CSDC2: variants seen among roughly 807,000 people sequenced by gnomAD.
CSDC2 encodes cold shock domain containing C2, also known as cold shock domain-containing protein C2.
CSDC2 carries 8 observed loss-of-function variants against 15.8 expected under a neutral mutation model. The ratio of observed to expected loss-of-function variants is 0.51; its 90% CI spans 0.30 to 0.92. The LOEUF (loss-of-function observed/expected upper bound fraction) is 0.92, where lower values mean the gene tolerates loss of function less well. Among genes scored for constraint, CSDC2 ranks in the 40% least tolerant of loss-of-function variants. The pLI, the probability that CSDC2 is intolerant of heterozygous loss-of-function variation, is 0.07. For missense variants in CSDC2, 195 were observed against 213.3 expected, an observed-to-expected ratio of 0.91 and a Z score of 0.53; for synonymous variants, 96 against 92.3, an observed-to-expected ratio of 1.04 and a Z score of -0.23.
chr22:41,562,150 C>T (rs550302375), intron 1 of CSDC2, among the ~76,000 whole-genome samples: 277 of 152,144 alleles, frequency 1.8e-3, no homozygotes, highest in African/African-American at 6.5e-3. Context: ...GGTGGGCAAC[C>T]TCTCTGAGAG....
intron 2 of CSDC2, among the ~76,000 whole-genome samples, chr22:41,573,379 T>C (rs2067158012): frequency 6.6e-6 from 1 of 151,760 alleles, no homozygotes. Flanking sequence ...ATTTTTTTTG[T>C]AGAGATGGGA....
chr22:41,565,736 C>T (rs2067110685), intron 1 of CSDC2, among the ~76,000 whole-genome samples: 1 of 152,202 alleles, frequency 6.6e-6, no homozygotes, highest in Non-Finnish European at 1.5e-5. Context: ...ACCCAGAGTG[C>T]CCCATGACAC....
In CSDC2 at chr22:41,571,931, C is replaced by A; in HGVS notation, c.-35C>A. 1 of 1,298,054 alleles carries A rather than the reference C, an allele frequency of 7.7e-7. No individual in the cohort carries two copies. Among genetic ancestry groups the A allele is most frequent in the Non-Finnish European group, 9.9e-7 (1 of 1,011,562 alleles). The allele number at this position is 1,298,054 out of a possible 1,614,324, so 80.4% of individuals were successfully genotyped here. ...CCAAACCCCTCACCGGCCCCTGGGC[C>A]CCAGAGCCCACCAGGCTCTCCTGCT... is the stretch of plus-strand genomic sequence containing the variant. On this transcript the variant is annotated 5_prime_UTR_variant, in exon 2 of 4. Coordinates refer to ENST00000306149, the MANE Select transcript of CSDC2 (RefSeq NM_014460.4).
At chr22:41,566,800 G>A (rs1351541002) in intron 1 of CSDC2, among the ~76,000 whole-genome samples, 3 of 151,500 alleles carry the variant, frequency 2.0e-5, no homozygotes, top group East Asian at 1.9e-4. Context: ...GGTGGCAGGC[G>A]CCTGTAATCC....
At position 41,575,170 on chromosome 22, in the gene CSDC2, G is replaced by A; in HGVS notation, c.*275G>A. The stretch of plus-strand genomic sequence containing the variant: ...CCACTGCCTCTCTCCTCCCCTCCCT[G>A]CCGCAGACACGCAGGACCCGCTCGC... On this transcript the variant is annotated 3_prime_UTR_variant, in exon 4 of 4. Transcript: ENST00000306149. 1.9e-6 allele frequency: 1 copy of A among 514,298 alleles called. No individual in the cohort carries two copies. Among genetic ancestry groups the A allele is most frequent in the Non-Finnish European group, 3.5e-6 (1 of 285,708 alleles). 31.9% of individuals were successfully genotyped at this position (514,298 alleles called of 1,614,324 possible).
intron 1 of CSDC2, among the ~76,000 whole-genome samples, chr22:41,562,155 T>C (rs1430023280): frequency 2.6e-5 from 4 of 152,010 alleles, no homozygotes; most frequent in Non-Finnish European, 5.9e-5. Flanking sequence ...GCAACCTCTC[T>C]GAGAGCCTGG....
At chr22:41,565,449 C>CAA (rs34460484) in intron 1 of CSDC2, among the ~76,000 whole-genome samples, 85 of 57,274 alleles carry the variant, frequency 1.5e-3, no homozygotes, top group African/African-American at 2.3e-3. Context: ...GATTCCATCT[C>CAA]AAAAAAAAAA....
chr22:41,575,329 C>T lies in CSDC2; in HGVS notation c.*434C>T. ...AGGCTCTCTGTGCTACTTACATCTC[C>T]CTCCCTTGGCTGAGGTCCCCCGCCA... On this transcript the variant is annotated 3_prime_UTR_variant, in exon 4 of 4. Coordinates refer to ENST00000306149, the MANE Select transcript of CSDC2 (RefSeq NM_014460.4). The T allele has an allele frequency of 5.8e-6, 1 of 173,858 alleles. No homozygotes were observed. Among genetic ancestry groups the T allele is most frequent in the South Asian group, 1.6e-4 (1 of 6,370 alleles). 10.8% of individuals were successfully genotyped at this position (173,858 alleles called of 1,614,324 possible).
intron 1 of CSDC2, among the ~76,000 whole-genome samples, chr22:41,565,202 A>G (rs2067107662): frequency 6.6e-6 from 1 of 151,440 alleles, no homozygotes; most frequent in East Asian, 1.9e-4. Flanking sequence ...CTTTAATCCC[A>G]GCACTTTGGG....
chr22:41,572,174 C>T (rs2067148432), intron 2 of CSDC2, 33 bp downstream of exon 2: 1 of 1,279,066 alleles, frequency 7.8e-7, no homozygotes, highest in Non-Finnish European at 1.0e-6. Context: ...GGCCCCTGAC[C>T]CTTGTCAGGA....
Position 41,572,127 on chromosome 22 carries a change from C to T in CSDC2, c.162C>T (p.Thr54=), listed in dbSNP as rs777170196. Residue 54 remains threonine, a synonymous_variant, in exon 2 of 4, where the codon ACC becomes ACT. Coordinates refer to ENST00000306149, the MANE Select transcript of CSDC2 (RefSeq NM_014460.4). ...CCAGCCCTCTGCCCACCAAGCGGAC[C>T]AGGACCTATTCAGCGTGAGTACCTG... ...DLPSPLPTKR[T]RTYSATARAS... 1.5e-6 allele frequency: 2 copies of T among 1,334,490 alleles called. No individual in the cohort carries two copies. The highest frequency in any genetic ancestry group is 9.6e-7 in the Non-Finnish European group (1 of 1,036,538). 82.7% of individuals were successfully genotyped at this position (1,334,490 alleles called of 1,614,324 possible). A position where few individuals can be genotyped will look rare whatever the true frequency, so the allele number is the denominator to read the frequency against.
At chr22:41,565,189 C>T (rs956795804) in intron 1 of CSDC2, among the ~76,000 whole-genome samples, 12 of 149,308 alleles carry the variant, frequency 8.0e-5, no homozygotes, top group East Asian at 5.9e-4. Flanking sequence ...CGGTGGTTTA[C>T]GCCTTTAATC....
chr22:41,567,704 T>G (rs1289882283), intron 1 of CSDC2, among the ~76,000 whole-genome samples: 1 of 152,242 alleles, frequency 6.6e-6, no homozygotes, highest in East Asian at 1.9e-4. Flanking sequence ...GCCTTCCCAC[T>G]GGAAGGCTCC....
intron 1 of CSDC2, among the ~76,000 whole-genome samples, chr22:41,571,153 G>C (rs2067143563): frequency 6.6e-6 from 1 of 151,996 alleles, no homozygotes; most frequent in Non-Finnish European, 1.5e-5. Flanking sequence ...AGGAGTTCGA[G>C]ACCTGCCTGG....
intron 1 of CSDC2, among the ~76,000 whole-genome samples, chr22:41,570,972 G>C (rs1462000751): frequency 7.3e-6 from 1 of 136,662 alleles, no homozygotes; most frequent in Non-Finnish European, 1.5e-5. Context: ...GACTGGATGA[G>C]ACCATGTCTC....
intron 1 of CSDC2, among the ~76,000 whole-genome samples, chr22:41,571,519 C>T (rs906396765): frequency 1.3e-5 from 2 of 152,152 alleles, no homozygotes; most frequent in African/African-American, 2.4e-5. Context: ...GGTGACAAAG[C>T]TAAGGTTTGA....
At chr22:41,561,869 G>A (rs1426672347) in intron 1 of CSDC2, among the ~76,000 whole-genome samples, 1 of 152,222 alleles carries the variant, frequency 6.6e-6, no homozygotes, top group Admixed American at 6.5e-5. Flanking sequence ...GGCCTGCCAG[G>A]CCTCTATCTT....
At chr22:41,571,312 C>A (rs1330025703) in intron 1 of CSDC2, among the ~76,000 whole-genome samples, 2 of 152,178 alleles carry the variant, frequency 1.3e-5, no homozygotes. Context: ...CGAGATCGTG[C>A]CAATGCACTC....
intron 1 of CSDC2, among the ~76,000 whole-genome samples, chr22:41,571,327 C>CT (rs950749155): frequency 1.7e-4 from 26 of 152,292 alleles, no homozygotes; most frequent in African/African-American, 4.6e-4. Context: ...GCACTCCAGC[C>CT]TGGGCAACAA....
Sources: gnomAD v4.1 joint callset for allele counts (sites outside exome capture counted in the v4.1 genomes callset) on GRCh38, gnomAD v4.1.1 for gene constraint, MANE v1.5 for transcripts, NCBI Gene and HGNC (gene_info 2026-07-23, HGNC 2026-07-21) for gene names.